Variants in ADGB observed in about 807,000 individuals in gnomAD.
ADGB encodes calpain-7-like protein.
Under a neutral mutation model 210.5 loss-of-function variants are expected in ADGB, and 172 were observed. The observed-to-expected ratio is 0.82, with a 90% CI of 0.72 to 0.93. The LOEUF (loss-of-function observed/expected upper bound fraction) is 0.93, where lower values mean the gene tolerates loss of function less well. Among genes scored for constraint, ADGB ranks in the 40% least tolerant of loss-of-function variants. ADGB has a pLI of 0.00. For synonymous variants in ADGB, 658 were observed against 662.7 expected, an observed-to-expected ratio of 0.99 and a Z score of 0.11; for missense variants, 2,025 against 1,964.8, an observed-to-expected ratio of 1.03 and a Z score of -0.58.
At chr6:146,648,873 A>C (rs1775658600) in intron 3 of ADGB, among the ~76,000 whole-genome samples, 1 of 151,784 alleles carries the variant, frequency 6.6e-6, no homozygotes. Context: ...ATGAAAACCT[A>C]AGCAGCAAGA....
At chr6:146,781,235 C>T (rs1425634120) in intron 29 of ADGB, among the ~76,000 whole-genome samples, 2 of 148,924 alleles carry the variant, frequency 1.3e-5, no homozygotes, top group East Asian at 3.9e-4. Flanking sequence ...CCCAGCTACT[C>T]GGGAGGCTGA....
chr6:146,778,716 T>A (rs1339468218), intron 29 of ADGB, among the ~76,000 whole-genome samples: 2 of 152,190 alleles, frequency 1.3e-5, no homozygotes, highest in Non-Finnish European at 2.9e-5. Flanking sequence ...TGTAATTTCA[T>A]ACACTTGTGA....
At chr6:146,740,279 G>C (rs1400173554) in intron 23 of ADGB, among the ~76,000 whole-genome samples, 180 bp from the exon 24 acceptor site, 1 of 152,058 alleles carries the variant, frequency 6.6e-6, no homozygotes, top group African/African-American at 2.4e-5. Context: ...CCTAGAATGG[G>C]TCCCCTTCTC....
chr6:146,643,577 TGA>T (rs1356349333), intron 2 of ADGB, among the ~76,000 whole-genome samples: 1 of 151,894 alleles, frequency 6.6e-6, no homozygotes, highest in Non-Finnish European at 1.5e-5. Context: ...TGCTAGCATC[TGA>T]GAGTACGCAT....
At position 146,746,053 on chromosome 6, in the gene ADGB, T is replaced by A; in HGVS notation, c.3309T>A (p.Phe1103Leu). The A allele has an allele frequency of 5.2e-6, 8 of 1,551,070 alleles. No individual in the cohort carries two copies. Among genetic ancestry groups the A allele is most frequent in the Non-Finnish European group, 7.0e-6 (8 of 1,146,574 alleles). The change falls in exon 26 of 36, where the codon TTT (phenylalanine) becomes TTA (leucine). Residue 1103 changes from phenylalanine (F) to leucine (L), a missense_variant. By Grantham distance (22) the Phe-to-Leu change is conservative. Transcript: ENST00000397944. ...CLSRDSPCNSFAIKEIRDYYI... is the reference protein window; with the variant it reads ...CLSRDSPCNSLAIKEIRDYYI... The stretch of plus-strand genomic sequence containing the variant: ...CTCGAGACTCTCCATGCAATTCCTT[T>A]GCCATAAAGGAAATCCGAGATTACT...
chr6:146,606,143 T>G (rs1488876809), intron 1 of ADGB, among the ~76,000 whole-genome samples: 1 of 152,200 alleles, frequency 6.6e-6, no homozygotes, highest in Non-Finnish European at 1.5e-5. Context: ...GGTATTTCAC[T>G]GTGGTTTTGA....
At chr6:146,678,351 C>G (rs757775675) in intron 9 of ADGB, among the ~76,000 whole-genome samples, 2 of 152,152 alleles carry the variant, frequency 1.3e-5, no homozygotes, top group African/African-American at 2.4e-5. Flanking sequence ...CTCAACCTCC[C>G]AAGTAGCTGG....
chr6:146,766,166 T>C (rs1777570839), intron 28 of ADGB, among the ~76,000 whole-genome samples: 1 of 151,494 alleles, frequency 6.6e-6, no homozygotes, highest in Non-Finnish European at 1.5e-5. Context: ...CTCACCCCTA[T>C]AATTCCAGCA....
chr6:146,720,272 C>T (rs1373118777), intron 16 of ADGB, among the ~76,000 whole-genome samples: 2 of 152,070 alleles, frequency 1.3e-5, no homozygotes, highest in African/African-American at 2.4e-5. Context: ...TTTGCTACTA[C>T]AAACTCTGTG....
At chr6:146,646,864 G>A (rs1341411140) in intron 3 of ADGB, among the ~76,000 whole-genome samples, 1 of 151,910 alleles carries the variant, frequency 6.6e-6, no homozygotes, top group Non-Finnish European at 1.5e-5. Context: ...TGTGGCAGGT[G>A]GATCATTTAA....
intron 35 of ADGB, among the ~76,000 whole-genome samples, chr6:146,812,120 T>C (rs559751451): frequency 6.6e-5 from 10 of 152,354 alleles, no homozygotes; most frequent in Admixed American, 5.9e-4. Flanking sequence ...CTCTGGGATG[T>C]TTTCATTTTC....
At chr6:146,749,621 C>G (rs758808333) in intron 26 of ADGB, among the ~76,000 whole-genome samples, 2 of 152,100 alleles carry the variant, frequency 1.3e-5, no homozygotes, top group African/African-American at 2.4e-5. Flanking sequence ...GCAAGAGTAG[C>G]TTTAGCACCT....
At chr6:146,807,428 A>C (rs190901970) in intron 35 of ADGB, 189 of 1,551,586 alleles carry the variant, frequency 1.2e-4, no homozygotes, top group Non-Finnish European at 1.6e-4. Flanking sequence ...CCCGACAGAA[A>C]ATTTTCGACA....
At chr6:146,609,178 A>C (rs551347462) in intron 1 of ADGB, among the ~76,000 whole-genome samples, 1 of 152,262 alleles carries the variant, frequency 6.6e-6, no homozygotes, top group African/African-American at 2.4e-5. Flanking sequence ...TGTCTGAAAT[A>C]AGAATAGCAA....
chr6:146,621,823 C>T (rs1390104273), intron 1 of ADGB, among the ~76,000 whole-genome samples: 1 of 151,904 alleles, frequency 6.6e-6, no homozygotes, highest in Non-Finnish European at 1.5e-5. Flanking sequence ...GCATTTTGGG[C>T]TATTTCTAGT....
At chr6:146,788,973 T>C (rs1487846268) in intron 33 of ADGB, among the ~76,000 whole-genome samples, 1 of 152,224 alleles carries the variant, frequency 6.6e-6, no homozygotes, top group Non-Finnish European at 1.5e-5. Context: ...ATAGATTTCC[T>C]TTTTACCTTT....
At chr6:146,730,330 CACAG>C (rs1278587594) in intron 20 of ADGB, among the ~76,000 whole-genome samples, 4 of 151,106 alleles carry the variant, frequency 2.6e-5, no homozygotes, top group East Asian at 2.0e-4. Context: ...TGGTGCACAT[CACAG>C]ACAATCTGCT....
At chr6:146,629,251 T>C (rs1038561641) in intron 1 of ADGB, among the ~76,000 whole-genome samples, 3 of 152,190 alleles carry the variant, frequency 2.0e-5, no homozygotes, top group African/African-American at 7.2e-5. Flanking sequence ...GCCAGTGGAC[T>C]TCAAAGGCAA....
chr6:146,664,144 C>T (rs531970438), intron 5 of ADGB, 57 bp from the exon 6 acceptor site: 28 of 1,443,466 alleles, frequency 1.9e-5, no homozygotes, highest in South Asian at 2.8e-5. Context: ...CAATCATTTA[C>T]GAGAGAAAAG....
Sources: allele counts gnomAD v4.1 joint callset (sites outside exome capture counted in the v4.1 genomes callset), GRCh38; gene constraint gnomAD v4.1.1; transcripts MANE v1.5; gene names NCBI Gene and HGNC (gene_info 2026-07-23, HGNC 2026-07-21).